Variants in IGF2BP2 observed in about 807,000 individuals in gnomAD.
The protein encoded by IGF2BP2 is insulin-like growth factor 2 mRNA-binding protein 2.
A neutral mutation model predicts 75.8 loss-of-function variants in IGF2BP2; 17 were observed. That is an observed-to-expected ratio of 0.22 (90% CI 0.15 to 0.34). The LOEUF (loss-of-function observed/expected upper bound fraction) is 0.34, where lower values mean the gene tolerates loss of function less well. IGF2BP2 is among the 10% of genes least tolerant of loss of function. The pLI is 1.00. For missense variants in IGF2BP2, 516 were observed against 772.4 expected, an observed-to-expected ratio of 0.67 and a Z score of 3.93; for synonymous variants, 288 against 295.6, an observed-to-expected ratio of 0.97 and a Z score of 0.26.
At chr3:185,802,982 T>C (rs1429208008) in intron 2 of IGF2BP2, among the ~76,000 whole-genome samples, 4 of 152,236 alleles carry the variant, frequency 2.6e-5, no homozygotes, top group Non-Finnish European at 5.9e-5. Flanking sequence ...CCCACAGCAC[T>C]TCTTTTTAAA....
intron 10 of IGF2BP2, among the ~76,000 whole-genome samples, chr3:185,661,343 A>G (rs1451787820): frequency 6.6e-6 from 1 of 152,130 alleles, no homozygotes; most frequent in Non-Finnish European, 1.5e-5. Context: ...CATTCATTCA[A>G]AAGGCATTTG....
rs114473536 is a variant in IGF2BP2, at chr3:185,782,793, A to C, written c.239+40360T>G. Reference sequence around the variant, plus strand: ...GGCTCTTACACAGAGAAGAGCCGGCATGAAGTTCACCAGGATCCCAGGGTG... The same window carrying C: ...GGCTCTTACACAGAGAAGAGCCGGCCTGAAGTTCACCAGGATCCCAGGGTG... On this transcript the variant is annotated intron_variant, in intron 2 of 15. Transcript: ENST00000382199. Among the ~76,000 whole-genome samples, 884 of 152,294 alleles carry C rather than the reference A, an allele frequency of 5.8e-3. 9 individuals carry two copies. Among genetic ancestry groups the C allele is most frequent in the African/African-American group, 0.02 (839 of 41,574 alleles).
chr3:185,701,451 A>G (rs371050986), intron 2 of IGF2BP2, among the ~76,000 whole-genome samples: 1 of 152,198 alleles, frequency 6.6e-6, no homozygotes, highest in African/African-American at 2.4e-5. Context: ...GTATTCTTGA[A>G]ATCTTATTTC....
chr3:185,772,058 C>A (rs191147931), intron 2 of IGF2BP2, among the ~76,000 whole-genome samples: 1 of 152,262 alleles, frequency 6.6e-6, no homozygotes, highest in Non-Finnish European at 1.5e-5. Context: ...GTTTCTATTA[C>A]TCAGAACCAA....
chr3:185,714,940 T>TA (rs1725368072), intron 2 of IGF2BP2, among the ~76,000 whole-genome samples: 1 of 152,174 alleles, frequency 6.6e-6, no homozygotes, highest in Non-Finnish European at 1.5e-5. Flanking sequence ...TTTACTATGT[T>TA]AGATACCAGA....
intron 10 of IGF2BP2, among the ~76,000 whole-genome samples, chr3:185,668,514 T>G (rs907475795): frequency 6.8e-5 from 10 of 146,470 alleles, no homozygotes; most frequent in East Asian, 5.9e-4. Context: ...GAGAGATATA[T>G]ATATATATAT....
At chr3:185,739,718 A>C (rs1410259557) in intron 2 of IGF2BP2, among the ~76,000 whole-genome samples, 1 of 152,268 alleles carries the variant, frequency 6.6e-6, no homozygotes, top group East Asian at 1.9e-4. Context: ...ATCTCGGCGG[A>C]GGTTCCAGAC....
chr3:185,770,352 G>T (rs1258860305), intron 2 of IGF2BP2, among the ~76,000 whole-genome samples: 1 of 152,218 alleles, frequency 6.6e-6, no homozygotes, highest in Non-Finnish European at 1.5e-5. Flanking sequence ...AGGAAAATGG[G>T]ATGTGATAGG....
At chr3:185,804,092 A>T (rs1390018389) in intron 2 of IGF2BP2, among the ~76,000 whole-genome samples, 1 of 152,124 alleles carries the variant, frequency 6.6e-6, no homozygotes, top group African/African-American at 2.4e-5. Context: ...CCCCGTGTCT[A>T]CTAAAAATAC....
chr3:185,812,474 A>G (rs535286727), intron 2 of IGF2BP2, among the ~76,000 whole-genome samples: 1 of 152,354 alleles, frequency 6.6e-6, no homozygotes, highest in African/African-American at 2.4e-5. Flanking sequence ...ACTTGTTACC[A>G]AAATGAAAGT....
At chr3:185,697,860 G>A (rs1014408095) in intron 3 of IGF2BP2, among the ~76,000 whole-genome samples, 11 of 151,992 alleles carry the variant, frequency 7.2e-5, no homozygotes, top group East Asian at 1.9e-4. Flanking sequence ...GGCATGCATC[G>A]AGTCCCAGCT....
At chr3:185,758,949 C>T (rs1014148944) in intron 2 of IGF2BP2, among the ~76,000 whole-genome samples, 1 of 152,180 alleles carries the variant, frequency 6.6e-6, no homozygotes, top group African/African-American at 2.4e-5. Context: ...TCCTAGAAGG[C>T]CACTACTGCT....
intron 3 of IGF2BP2, 84 bp from the exon 4 acceptor site, chr3:185,696,747 A>G: frequency 9.3e-7 from 1 of 1,077,968 alleles, no homozygotes; most frequent in East Asian, 2.4e-5. Flanking sequence ...CCAGCAAACA[A>G]ATTAAAGGAA....
rs1253651953 is a variant in IGF2BP2, at chr3:185,645,793, T to A, written c.1708-170A>T. Among the ~76,000 whole-genome samples, 1 of 151,704 alleles carries A rather than the reference T, an allele frequency of 6.6e-6. No homozygotes were observed. The highest frequency in any genetic ancestry group is 6.6e-5 in the Admixed American group (1 of 15,248). On this transcript the variant is annotated intron_variant, in intron 15 of 15. Coordinates refer to ENST00000382199, the MANE Select transcript of IGF2BP2 (RefSeq NM_006548.6). The surrounding 1 kb of genome is among the most constrained non-coding windows in gnomAD (Gnocchi z 4.9). ...CTCCAGGCCCTTTTCTGCCTGGAAG[T>A]AAGTGGCAGAGGTCCCCCCTCCACT...
chr3:185,762,646 A>C (rs572886949), intron 2 of IGF2BP2, among the ~76,000 whole-genome samples: 8 of 152,242 alleles, frequency 5.3e-5, no homozygotes, highest in Admixed American at 5.2e-4. Context: ...CCCTTGAAGA[A>C]GCTTAGATAT....
chr3:185,724,855 C>A (rs1018876043), intron 2 of IGF2BP2: 1 of 152,212 alleles, frequency 6.6e-6, no homozygotes, highest in African/African-American at 2.4e-5. Flanking sequence ...TGTATTTCCT[C>A]CCCCTTGATA....
At chr3:185,697,853 A>G (rs1000486357) in intron 3 of IGF2BP2, among the ~76,000 whole-genome samples, 2 of 152,144 alleles carry the variant, frequency 1.3e-5, no homozygotes, top group Non-Finnish European at 2.9e-5. Context: ...GCATGGTGGC[A>G]TGCATCGAGT....
intron 2 of IGF2BP2, among the ~76,000 whole-genome samples, chr3:185,758,499 G>A (rs1312666500): frequency 6.6e-6 from 1 of 152,192 alleles, no homozygotes; most frequent in Non-Finnish European, 1.5e-5. Flanking sequence ...AGGATTAAAT[G>A]AGATAATGCA....
chr3:185,824,889 C>T lies in IGF2BP2; in HGVS notation c.72G>A (p.Gly24=), dbSNP rs772715700. The change falls in exon 1 of 16, where the codon GGG becomes GGA. Residue 24 remains glycine, a synonymous_variant. Transcript: ENST00000382199. The part of the protein sequence containing the change: ...VTADDLRQLF[G]DRKLPLAGQV... ...GTCCCGCCAGGGGCAGCTTCCTGTC[C>T]CCAAAGAGCTGCCGGAGGTCGTCGG... 1.3e-6 allele frequency: 2 copies of T among 1,571,848 alleles called. No homozygotes were observed. Among genetic ancestry groups the T allele is most frequent in the South Asian group, 2.3e-5 (2 of 85,164 alleles).
Sources: gnomAD v4.1 joint callset for allele counts (sites outside exome capture counted in the v4.1 genomes callset) on GRCh38, gnomAD v4.1.1 for gene constraint, Gnocchi (gnomAD v3.1) non-coding constraint, MANE v1.5 for transcripts, NCBI Gene and HGNC (gene_info 2026-07-23, HGNC 2026-07-21) for gene names.